LRRN1: variants seen among roughly 807,000 people sequenced by gnomAD.
LRRN1 encodes leucine rich repeat neuronal 1.
LRRN1 carries 14 observed loss-of-function variants against 45.8 expected under a neutral mutation model. The observed-to-expected ratio is 0.31, with a 90% CI of 0.20 to 0.48. The LOEUF is 0.48. Ranked by LOEUF, LRRN1 falls within the 20% of genes least tolerant of loss-of-function variation. The pLI is 0.99. For missense variants in LRRN1, 789 were observed against 874.2 expected, an observed-to-expected ratio of 0.90 and a Z score of 1.23; for synonymous variants, 359 against 330.1, an observed-to-expected ratio of 1.09 and a Z score of -0.95.
intron 1 of LRRN1, among the ~76,000 whole-genome samples, chr3:3,832,462 C>T (rs1286557759): frequency 1.3e-5 from 2 of 152,172 alleles, no homozygotes; most frequent in Admixed American, 6.5e-5. Context: ...ATTACCTGAC[C>T]TGCATAAGCC....
intron 1 of LRRN1, among the ~76,000 whole-genome samples, chr3:3,808,214 C>A (rs1272604537): frequency 3.9e-5 from 1 of 25,474 alleles, no homozygotes; most frequent in Non-Finnish European, 3.1e-4. Context: ...CCCCAGAGCC[C>A]ACCATTTTTC....
At position 3,847,076 on chromosome 3, in the gene LRRN1, A is replaced by G. The variant is rs1693796007; in HGVS notation, c.*284A>G. On this transcript the variant is annotated 3_prime_UTR_variant, in exon 2 of 2. Coordinates refer to ENST00000319331, the MANE Select transcript of LRRN1 (RefSeq NM_020873.7). ...TATTTTAGTTGTTGTGCTAAACTCA[A>G]TAATGCTGTTCTAACTACAGTGCTC... 3 of 227,536 alleles carry G rather than the reference A, an allele frequency of 1.3e-5. No homozygotes were observed. Among genetic ancestry groups the G allele is most frequent in the South Asian group, 1.2e-4 (1 of 8,378 alleles). The allele number at this position is 227,536 out of a possible 1,614,324, so 14.1% of individuals were successfully genotyped here.
At chr3:3,813,214 A>G (rs1467030918) in intron 1 of LRRN1, among the ~76,000 whole-genome samples, 1 of 152,218 alleles carries the variant, frequency 6.6e-6, no homozygotes, top group Non-Finnish European at 1.5e-5. Flanking sequence ...GATCCTTCAC[A>G]AGCTTTAGAT....
intron 1 of LRRN1, among the ~76,000 whole-genome samples, chr3:3,840,184 A>G (rs534195046): frequency 1.8e-4 from 28 of 152,298 alleles, no homozygotes; most frequent in African/African-American, 6.7e-4. Flanking sequence ...TTTTATCATG[A>G]AAAAGTGTTG....
At chr3:3,801,444 G>A (rs895413445) in intron 1 of LRRN1, among the ~76,000 whole-genome samples, 2 of 152,204 alleles carry the variant, frequency 1.3e-5, no homozygotes, top group Non-Finnish European at 2.9e-5. Context: ...GCTAGGGCTG[G>A]AGGAGTGGAA....
rs926963688 is a variant in LRRN1 at position 3,799,433 on chromosome 3, G to C, written c.-765G>C. ...ACCAGGTGCACGCCGGCTGCGGGGA[G>C]CACAAAGCGGGGCGCACCGCGGGCG... On this transcript the variant is annotated 5_prime_UTR_variant, in exon 1 of 2. Transcript: ENST00000319331. 1 of 151,930 alleles carries C rather than the reference G, an allele frequency of 6.6e-6. No individual in the cohort carries two copies. The highest frequency in any genetic ancestry group is 1.5e-5 in the Non-Finnish European group (1 of 67,960). The allele number at this position is 151,930 out of a possible 1,614,324, so 9.4% of individuals were successfully genotyped here. A position where few individuals can be genotyped will look rare whatever the true frequency, so the allele number is the denominator to read the frequency against.
intron 1 of LRRN1, among the ~76,000 whole-genome samples, chr3:3,826,269 T>C (rs1189213664): frequency 6.6e-6 from 1 of 152,146 alleles, no homozygotes; most frequent in African/African-American, 2.4e-5. Flanking sequence ...CTGAAAATGA[T>C]TGGAAGTAAA....
rs377571790 is a variant in LRRN1, at chr3:3,846,388, C to G, written c.1747C>G (p.Leu583Val). The change falls in exon 2 of 2, where the codon CTA (leucine) becomes GTA (valine). Residue 583 changes from leucine to valine, a missense_variant. Physicochemically the swap from Leu to Val is conservative, Grantham distance 32 (BLOSUM62 1). Coordinates refer to ENST00000319331, the MANE Select transcript of LRRN1 (RefSeq NM_020873.7). This position sits in a 1 kb window ranked among gnomAD's most constrained non-coding sequence, Gnocchi z 5.7. ...RVPVDVHEYN[L>V]THLQPSTDYE... is the part of the protein sequence containing the mutation. The stretch of plus-strand genomic sequence containing the variant: ...CCCAGTCGATGTCCATGAATACAAC[C>G]TAACGCATCTGCAGCCTTCCACAGA... 8.7e-6 allele frequency: 14 copies of G among 1,613,782 alleles called. No homozygotes were observed. The highest frequency in any genetic ancestry group is 1.6e-4 in the Middle Eastern group (1 of 6,084).
intron 1 of LRRN1, among the ~76,000 whole-genome samples, chr3:3,826,885 T>A (rs1054521827): frequency 6.6e-6 from 1 of 152,142 alleles, no homozygotes; most frequent in African/African-American, 2.4e-5. Flanking sequence ...ACATCCTCAA[T>A]ACAAAATTTA....
chr3:3,834,525 G>GACATATATATATATATATGATATATATAT (rs750534210), intron 1 of LRRN1, among the ~76,000 whole-genome samples: 1 of 27,310 alleles, frequency 3.7e-5, no homozygotes, highest in Non-Finnish European at 9.9e-5. Context: ...GACAGAACAG[G>GACATATATATATATATATGATATATATAT]ATATATATAT....
chr3:3,818,430 C>G (rs1693029810), intron 1 of LRRN1, among the ~76,000 whole-genome samples: 1 of 152,212 alleles, frequency 6.6e-6, no homozygotes, highest in Non-Finnish European at 1.5e-5. Context: ...GCTGGGCCTT[C>G]TGTCAGTTTC....
At chr3:3,820,829 T>TC (rs1364628561) in intron 1 of LRRN1, among the ~76,000 whole-genome samples, 1 of 152,214 alleles carries the variant, frequency 6.6e-6, no homozygotes, top group African/African-American at 2.4e-5. Flanking sequence ...ACCTTGGACT[T>TC]CAAGAGTTTG....
At chr3:3,829,577 C>A (rs1050102957) in intron 1 of LRRN1, among the ~76,000 whole-genome samples, 1 of 152,186 alleles carries the variant, frequency 6.6e-6, no homozygotes, top group Non-Finnish European at 1.5e-5. Flanking sequence ...AATATTGTCA[C>A]CTAGTTGGCA....
chr3:3,824,342 T>C (rs1284008499), intron 1 of LRRN1, among the ~76,000 whole-genome samples: 1 of 152,194 alleles, frequency 6.6e-6, no homozygotes, highest in Non-Finnish European at 1.5e-5. Flanking sequence ...ATCTATGCAC[T>C]TCTTTCACTT....
intron 1 of LRRN1, among the ~76,000 whole-genome samples, chr3:3,840,102 A>C (rs1247888105): frequency 6.6e-6 from 1 of 152,148 alleles, no homozygotes; most frequent in East Asian, 1.9e-4. Flanking sequence ...GAATCATTTT[A>C]ACTGTGGACT....
At chr3:3,806,948 A>G (rs1692774491) in intron 1 of LRRN1, among the ~76,000 whole-genome samples, 1 of 152,156 alleles carries the variant, frequency 6.6e-6, no homozygotes, top group African/African-American at 2.4e-5. Flanking sequence ...TGGAGGTGGG[A>G]TAAGACCTGA....
intron 1 of LRRN1, among the ~76,000 whole-genome samples, chr3:3,826,979 G>A (rs1467453720): frequency 1.3e-5 from 2 of 152,006 alleles, no homozygotes. Flanking sequence ...TACCACAAAA[G>A]GCATTCTCTA....
chr3:3,837,734 T>A (rs574334946), intron 1 of LRRN1, among the ~76,000 whole-genome samples: 1 of 152,182 alleles, frequency 6.6e-6, no homozygotes, highest in Non-Finnish European at 1.5e-5. Context: ...TTTTAATTTT[T>A]TTTTTTAAAG....
At chr3:3,843,339 C>A (rs1041622841) in intron 1 of LRRN1, among the ~76,000 whole-genome samples, 4 of 152,052 alleles carry the variant, frequency 2.6e-5, no homozygotes. Context: ...TTAATGGAGA[C>A]CAATGGTATG....
Sources: allele counts gnomAD v4.1 joint callset (sites outside exome capture counted in the v4.1 genomes callset), GRCh38; gene constraint gnomAD v4.1.1; non-coding constraint Gnocchi (gnomAD v3.1); transcripts MANE v1.5; gene names NCBI Gene and HGNC (gene_info 2026-07-23, HGNC 2026-07-21).